Variants in STOX1 observed in about 807,000 individuals in gnomAD.
STOX1 encodes storkhead box 1.
STOX1 carries 57 observed loss-of-function variants against 74.8 expected under a neutral mutation model. The observed-to-expected ratio is 0.76, with a 90% CI of 0.62 to 0.95. The LOEUF (loss-of-function observed/expected upper bound fraction) is 0.95. STOX1 is among the 40% of genes least tolerant of loss of function. STOX1 has a pLI of 0.00. For synonymous variants in STOX1, 375 were observed against 401.3 expected (o/e 0.93, Z 0.78); for missense variants, 1,010 against 1,117.0 (o/e 0.90, Z 1.37).
At chr10:68,828,314 G>C in intron 1 of STOX1, 1 of 1,153,198 alleles carries the variant, frequency 8.7e-7, no homozygotes, top group Non-Finnish European at 1.1e-6. Context: ...CGCCAGCTGT[G>C]AGCGCGGAGC....
chr10:68,838,335 G>A lies in STOX1; in HGVS notation c.310+10402G>A, dbSNP rs866861663. 1.1e-4 allele frequency among the ~76,000 whole-genome samples: 17 copies of A among 152,264 alleles called. No homozygotes were observed. The Middle Eastern group carries it at 0.017, about 152-fold the overall frequency. On this transcript the variant is annotated intron_variant, in intron 1 of 3. Coordinates refer to ENST00000298596, the MANE Select transcript of STOX1 (RefSeq NM_152709.5). ...TTCCGTCTCGGCCTCCCAAAGTGAT[G>A]CGATTACAGGCGTGAGCTAGGACTG...
At chr10:68,833,590 A>G (rs1200523242) in intron 1 of STOX1, among the ~76,000 whole-genome samples, 2 of 152,076 alleles carry the variant, frequency 1.3e-5, no homozygotes, top group Non-Finnish European at 2.9e-5. Context: ...TGGTGGTCAG[A>G]GTGAAACAGA....
intron 1 of STOX1, among the ~76,000 whole-genome samples, chr10:68,877,681 G>A (rs922434614): frequency 5.1e-4 from 78 of 152,356 alleles, no homozygotes; most frequent in African/African-American, 1.6e-3. Flanking sequence ...GCAGCCACCT[G>A]CAGGCGGACA....
At chr10:68,875,559 T>A (rs996176514) in intron 1 of STOX1, among the ~76,000 whole-genome samples, 4 of 152,226 alleles carry the variant, frequency 2.6e-5, no homozygotes, top group African/African-American at 9.6e-5. Flanking sequence ...CCCTTGTTTT[T>A]CTGATAGAAA....
chr10:68,868,591 C>T (rs1564581433), intron 1 of STOX1, among the ~76,000 whole-genome samples: 1 of 152,248 alleles, frequency 6.6e-6, no homozygotes, highest in East Asian at 1.9e-4. Flanking sequence ...TAGCATAATC[C>T]CAGCTACTCA....
chr10:68,864,735 T>G (rs1159206376), intron 1 of STOX1, among the ~76,000 whole-genome samples: 1 of 152,214 alleles, frequency 6.6e-6, no homozygotes, highest in Non-Finnish European at 1.5e-5. Context: ...ATTTGGGCCT[T>G]ATGGACTTGC....
chr10:68,893,325 C>T (rs1180093552), downstream of STOX1, among the ~76,000 whole-genome samples: 2 of 152,212 alleles, frequency 1.3e-5, no homozygotes, highest in African/African-American at 4.8e-5. Flanking sequence ...CCAGCTTGGA[C>T]ATGAACAAAT....
At chr10:68,874,579 G>T (rs991251128) in intron 1 of STOX1, among the ~76,000 whole-genome samples, 5 of 83,294 alleles carry the variant, frequency 6.0e-5, no homozygotes, top group African/African-American at 2.9e-4. Context: ...AAAAACCCTT[G>T]CTTCCCGGGA....
At chr10:68,883,201 C>T (rs530824360) in intron 2 of STOX1, among the ~76,000 whole-genome samples, 2 of 141,688 alleles carry the variant, frequency 1.4e-5, no homozygotes, top group Non-Finnish European at 3.0e-5. Context: ...TATGGTGAAA[C>T]CCCATCTCTA....
chr10:68,831,221 C>T (rs1832840175), intron 1 of STOX1, among the ~76,000 whole-genome samples: 1 of 152,090 alleles, frequency 6.6e-6, no homozygotes, highest in Admixed American at 6.6e-5. Flanking sequence ...ATGTTTCACC[C>T]TTGTTGCCCA....
intron 1 of STOX1, among the ~76,000 whole-genome samples, chr10:68,843,026 T>A (rs1342155792): frequency 6.6e-6 from 1 of 152,172 alleles, no homozygotes; most frequent in Non-Finnish European, 1.5e-5. Context: ...GGTAATTACT[T>A]ATAAATTATA....
chr10:68,851,536 C>T (rs1006743864), intron 1 of STOX1, among the ~76,000 whole-genome samples: 1 of 151,872 alleles, frequency 6.6e-6, no homozygotes, highest in African/African-American at 2.4e-5. Context: ...CCACATGTAC[C>T]CCCCAAAATA....
intron 3 of STOX1, 76 bp downstream of exon 3, chr10:68,886,694 C>G: frequency 7.3e-7 from 1 of 1,365,914 alleles, no homozygotes; most frequent in African/African-American, 1.4e-5. Context: ...TTTGGGAGGC[C>G]GAGGCGGGCA....
rs189550028 is a variant in STOX1 at position 68,866,311 on chromosome 10, A to T, written c.311-15647A>T. On this transcript the variant is annotated intron_variant, in intron 1 of 3. Transcript: ENST00000298596. ...TGAGTGGGTTGAACTGGCCATGTGG[A>T]TGGCCAGTGCTGTAGAGAAATGATT... 1.5e-3 allele frequency among the ~76,000 whole-genome samples: 227 copies of T among 152,252 alleles called. 1 individual carries two copies. The highest frequency in any genetic ancestry group is 2.6e-3 in the Non-Finnish European group (180 of 68,002).
rs1285620128 is a variant in STOX1 at position 68,828,689 on chromosome 10, TTTATTA to T, written c.310+765_310+770del. ...GCCAGAGTTTACCATATCTGGCAGCTTTATTATTATTATTTTTTGAACTACAGATCT... is the reference window on the plus strand; with the variant it reads ...GCCAGAGTTTACCATATCTGGCAGCTTTATTATTTTTTGAACTACAGATCT... On this transcript the variant is annotated intron_variant, in intron 1 of 3. Transcript: ENST00000298596. Among the ~76,000 whole-genome samples, 15 of 152,240 alleles carry T rather than the reference TTTATTA, an allele frequency of 9.9e-5. No homozygotes were observed. In the South Asian group the frequency reaches 3.1e-3, roughly 32 times the overall value.
chr10:68,860,057 C>T (rs1166392966), intron 1 of STOX1, among the ~76,000 whole-genome samples: 2 of 151,606 alleles, frequency 1.3e-5, no homozygotes, highest in African/African-American at 2.4e-5. Flanking sequence ...TATGGGAGGT[C>T]GAGATGGGCA....
intron 1 of STOX1, among the ~76,000 whole-genome samples, chr10:68,838,131 A>G (rs1839606354): frequency 6.8e-6 from 1 of 147,038 alleles, no homozygotes; most frequent in African/African-American, 2.5e-5. Context: ...TCGTGGTGTG[A>G]TCATGGCTCC....
intron 1 of STOX1, among the ~76,000 whole-genome samples, chr10:68,844,203 G>T (rs1256475146): frequency 1.3e-5 from 2 of 151,092 alleles, no homozygotes; most frequent in Admixed American, 6.6e-5. Context: ...GTTGGATAGT[G>T]GTAGTTCATT....
Position 68,882,119 on chromosome 10 carries a change from A to G in STOX1, c.463+9A>G, listed in dbSNP as rs1016782468. 1 of 1,613,318 alleles carries G rather than the reference A, an allele frequency of 6.2e-7. No individual in the cohort carries two copies. The highest frequency in any genetic ancestry group is 1.3e-5 in the African/African-American group (1 of 74,912). On this transcript the variant is annotated intron_variant, in intron 2 of 3. Transcript: ENST00000298596. ...GATGAAACATTACCCAGGTAGAGTA[A>G]TAAATTTTTGTCTATTTGTACTTCA...
Sources: allele counts gnomAD v4.1 joint callset (sites outside exome capture counted in the v4.1 genomes callset), GRCh38; gene constraint gnomAD v4.1.1; transcripts MANE v1.5; gene names NCBI Gene and HGNC (gene_info 2026-07-23, HGNC 2026-07-21).